Variants in CLVS1 observed in about 807,000 individuals in gnomAD.
CLVS1 encodes clavesin 1, also known as clavesin-1.
A neutral mutation model predicts 33.1 loss-of-function variants in CLVS1; 10 were observed. The observed-to-expected ratio is 0.30, with a 90% CI of 0.19 to 0.51. CLVS1 has a LOEUF of 0.51. Among genes scored for constraint, CLVS1 ranks in the 20% least tolerant of loss-of-function variants. CLVS1 has a pLI of 0.97. For missense variants in CLVS1, 343 were observed against 433.4 expected, an observed-to-expected ratio of 0.79 and a Z score of 1.85; for synonymous variants, 163 against 166.1, an observed-to-expected ratio of 0.98 and a Z score of 0.14.
chr8:61,206,050 C>T (rs551668451), intron 2 of CLVS1, among the ~76,000 whole-genome samples: 6 of 152,112 alleles, frequency 3.9e-5, no homozygotes, highest in South Asian at 4.1e-4. Context: ...ATCTGTCAAG[C>T]GTATAAGTAG....
intron 3 of CLVS1, among the ~76,000 whole-genome samples, chr8:61,398,601 T>C (rs1419884330): frequency 6.6e-6 from 1 of 152,202 alleles, no homozygotes; most frequent in Non-Finnish European, 1.5e-5. Flanking sequence ...ACTTGTTACA[T>C]AGATAAACGT....
intron 3 of CLVS1, among the ~76,000 whole-genome samples, chr8:61,391,429 G>C (rs1336463245): frequency 6.6e-6 from 1 of 152,124 alleles, no homozygotes; most frequent in African/African-American, 2.4e-5. Flanking sequence ...AAATGAGGTG[G>C]GTAAGCCAGA....
At chr8:61,160,226 A>G (rs1306281424) in intron 2 of CLVS1, among the ~76,000 whole-genome samples, 1 of 152,222 alleles carries the variant, frequency 6.6e-6, no homozygotes, top group Non-Finnish European at 1.5e-5. Context: ...GATAGTAGAA[A>G]TTAATTGTAC....
intron 2 of CLVS1, among the ~76,000 whole-genome samples, chr8:61,281,985 G>A (rs528828199): frequency 3.9e-5 from 6 of 152,296 alleles, no homozygotes; most frequent in Admixed American, 1.3e-4. Flanking sequence ...TGCCTTTTGA[G>A]AAAAGTGCCC....
chr8:61,427,810 C>T (rs1354213690), intron 3 of CLVS1, among the ~76,000 whole-genome samples: 1 of 152,204 alleles, frequency 6.6e-6, no homozygotes, highest in African/African-American at 2.4e-5. Flanking sequence ...TTTGGTAACA[C>T]TGTTAGGATG....
At chr8:61,265,346 T>C (rs1809283542) in intron 2 of CLVS1, among the ~76,000 whole-genome samples, 1 of 152,238 alleles carries the variant, frequency 6.6e-6, no homozygotes, top group African/African-American at 2.4e-5. Context: ...GCTTATTAGC[T>C]TGGTGACTTT....
At chr8:61,481,300 C>T (rs1032715957) in intron 5 of CLVS1, among the ~76,000 whole-genome samples, 11 of 152,146 alleles carry the variant, frequency 7.2e-5, no homozygotes, top group Admixed American at 1.3e-4. Flanking sequence ...GTGTGAGCGA[C>T]GCAGAAGATG....
intron 2 of CLVS1, among the ~76,000 whole-genome samples, chr8:61,265,622 A>C (rs1439343198): frequency 6.6e-6 from 1 of 152,098 alleles, no homozygotes; most frequent in East Asian, 1.9e-4. Context: ...TATACTCTAA[A>C]TTTGACCACT....
rs190356871 is a variant in CLVS1, at chr8:61,414,177, T to A, written c.630+37398T>A. 3.9e-5 allele frequency among the ~76,000 whole-genome samples: 6 copies of A among 152,288 alleles called. No individual in the cohort carries two copies. The East Asian group carries it at 1.2e-3, about 29-fold the overall frequency. ...CACCCTTGTAAGAAAGATAGATATA[T>A]GAACAAATAATTACAAAGAAAACTG... is the stretch of plus-strand genomic sequence containing the variant. On this transcript the variant is annotated intron_variant, in intron 3 of 5. Coordinates refer to ENST00000325897, the MANE Select transcript of CLVS1 (RefSeq NM_173519.3).
chr8:61,284,916 A>T (rs1809745138), upstream of CLVS1, among the ~76,000 whole-genome samples: 1 of 152,218 alleles, frequency 6.6e-6, no homozygotes, highest in East Asian at 1.9e-4. Flanking sequence ...ACTCACATAC[A>T]TTATGAAAGA....
intron 2 of CLVS1, among the ~76,000 whole-genome samples, chr8:61,244,111 G>A (rs1263840974): frequency 1.3e-5 from 2 of 152,144 alleles, no homozygotes; most frequent in Admixed American, 1.3e-4. Context: ...CCAAATGACT[G>A]CTTGTTTTAG....
chr8:61,033,045 GAAAAAGAAAGAAAGAT>G, the CLVS1 span, among the ~76,000 whole-genome samples: 5 of 90,340 alleles, frequency 5.5e-5, no homozygotes, highest in Non-Finnish European at 9.7e-5. Flanking sequence ...AAGAAAGAAA[GAAAAAGAAAGAAAGAT>G]AGAAAGAAAG....
At chr8:61,482,044 T>C (rs1454819158) in intron 5 of CLVS1, among the ~76,000 whole-genome samples, 2 of 152,194 alleles carry the variant, frequency 1.3e-5, no homozygotes, top group Admixed American at 1.3e-4. Flanking sequence ...TTCTGCAATA[T>C]TTGCTATTGT....
chr8:61,082,639 A>G (rs898433417), intron 1 of CLVS1, among the ~76,000 whole-genome samples: 3 of 152,234 alleles, frequency 2.0e-5, no homozygotes, highest in Non-Finnish European at 4.4e-5. Context: ...TAAGAATCAC[A>G]TCATAGTTCT....
intron 3 of CLVS1, among the ~76,000 whole-genome samples, chr8:61,386,224 T>C (rs1187426486): frequency 1.3e-5 from 2 of 152,176 alleles, no homozygotes; most frequent in Non-Finnish European, 2.9e-5. Context: ...GAGTGTCTGA[T>C]TCAGTAGTTT....
At chr8:61,159,687 C>T (rs991700041) in intron 2 of CLVS1, among the ~76,000 whole-genome samples, 2 of 152,178 alleles carry the variant, frequency 1.3e-5, no homozygotes, top group Non-Finnish European at 1.5e-5. Context: ...TGTCATGAGT[C>T]AAGTCATGGA....
At chr8:61,131,141 G>T (rs1332359393) in intron 1 of CLVS1, among the ~76,000 whole-genome samples, 1 of 152,160 alleles carries the variant, frequency 6.6e-6, no homozygotes, top group Admixed American at 6.5e-5. Context: ...AGCCAACATT[G>T]TCCCCTAGGG....
chr8:61,190,464 C>A (rs1220949616), intron 2 of CLVS1, among the ~76,000 whole-genome samples: 1 of 152,096 alleles, frequency 6.6e-6, no homozygotes, highest in African/African-American at 2.4e-5. Context: ...ATTGAAAGAA[C>A]TAGGGAAGCA....
intron 2 of CLVS1, among the ~76,000 whole-genome samples, chr8:61,323,361 G>C (rs1237508425): frequency 1.3e-5 from 2 of 152,160 alleles, no homozygotes; most frequent in African/African-American, 4.8e-5. Context: ...CACATCACAA[G>C]ACCTGTCCAG....
Sources: gnomAD v4.1 joint callset for allele counts (sites outside exome capture counted in the v4.1 genomes callset) on GRCh38, gnomAD v4.1.1 for gene constraint, MANE v1.5 for transcripts, NCBI Gene and HGNC (gene_info 2026-07-23, HGNC 2026-07-21) for gene names.